The following RPH3A variants were observed in gnomAD, a reference collection of about 807,000 sequenced individuals.
The protein encoded by RPH3A is rabphilin 3A.
A neutral mutation model predicts 102.2 loss-of-function variants in RPH3A; 48 were observed. The ratio of observed to expected loss-of-function variants is 0.47; its 90% CI spans 0.37 to 0.60. The LOEUF (loss-of-function observed/expected upper bound fraction) is 0.60. Among genes scored for constraint, RPH3A ranks in the 20% least tolerant of loss-of-function variants. The probability of loss-of-function intolerance (pLI) is 0.00; values close to 1 mark genes in which losing one functional copy is unlikely to be tolerated. For synonymous variants in RPH3A, 310 were observed against 324.3 expected (o/e 0.96, Z 0.47); for missense variants, 781 against 910.1 (o/e 0.86, Z 1.83).
rs554122441 is a variant in RPH3A at position 112,592,654 on chromosome 12, TGTGGTTGGTTGAATCC to T, written c.-140+17340_-140+17355del. Among the ~76,000 whole-genome samples the T allele has an allele frequency of 2.8e-4, 43 of 152,352 alleles. No individual in the cohort carries two copies. In the South Asian group the frequency reaches 8.5e-3, roughly 30 times the overall value. ...TTTTTATTTTGGAAAATTTTCGATC[TGTGGTTGGTTGAATCC>T]GTGGATGCAGAACCTGCAGATACTG... On this transcript the variant is annotated intron_variant, in intron 1 of 21. Coordinates refer to the RPH3A transcript ENST00000543106.
At chr12:112,737,147 C>A in intron 1 of RPH3A, among the ~76,000 whole-genome samples, 1 of 131,426 alleles carries the variant, frequency 7.6e-6, no homozygotes. Context: ...AGAATGAGAC[C>A]CTGTCTCAAA....
rs543550108 is a variant in RPH3A at position 112,889,957 on chromosome 12, G to C, written c.1564-67G>C. On this transcript the variant is annotated intron_variant, in intron 17 of 21. Transcript: ENST00000389385. ...GTAATGGAAGTATGAGGGGTTTCTGGTCCTTCTTGCGCAGGAAGATGAGCT... is the reference window on the plus strand; with the variant it reads ...GTAATGGAAGTATGAGGGGTTTCTGCTCCTTCTTGCGCAGGAAGATGAGCT... 4 of 1,455,052 alleles carry C rather than the reference G, an allele frequency of 2.7e-6. No homozygotes were observed. The African/African-American group carries it at 5.6e-5, about 20-fold the overall frequency. 90.1% of individuals were successfully genotyped at this position (1,455,052 alleles called of 1,614,324 possible). A position where few individuals can be genotyped will look rare whatever the true frequency, so the allele number is the denominator to read the frequency against.
At chr12:112,589,492 T>G (rs2039461141) in intron 1 of RPH3A, among the ~76,000 whole-genome samples, 1 of 152,182 alleles carries the variant, frequency 6.6e-6, no homozygotes, top group Admixed American at 6.5e-5. Context: ...GGCTGTTCCC[T>G]CAGCCTGGAA....
intron 2 of RPH3A, among the ~76,000 whole-genome samples, chr12:112,811,626 G>T (rs1196643562): frequency 6.6e-6 from 1 of 151,842 alleles, no homozygotes; most frequent in African/African-American, 2.4e-5. Flanking sequence ...GCATGCATGT[G>T]AGGTGACTCA....
intron 1 of RPH3A, among the ~76,000 whole-genome samples, chr12:112,662,645 G>T (rs1190085168): frequency 6.6e-6 from 1 of 151,962 alleles, no homozygotes. Flanking sequence ...ATGCTATATG[G>T]TTTCTCTCTC....
intron 5 of RPH3A, among the ~76,000 whole-genome samples, chr12:112,860,027 A>G (rs1008611453): frequency 2.6e-5 from 4 of 152,174 alleles, no homozygotes; most frequent in African/African-American, 9.7e-5. Flanking sequence ...TCCCATACAC[A>G]TCTAGGGCTT....
chr12:112,802,991 A>C (rs1286088841), intron 2 of RPH3A, among the ~76,000 whole-genome samples: 1 of 152,346 alleles, frequency 6.6e-6, no homozygotes, highest in East Asian at 1.9e-4. Context: ...GGAGTCCTTG[A>C]GTGGCCAGAG....
intron 2 of RPH3A, chr12:112,813,202 T>G (rs1029084000): frequency 1.3e-5 from 2 of 152,234 alleles, no homozygotes; most frequent in Admixed American, 1.3e-4. Context: ...TGCACTCTTT[T>G]GCCTCCAGTG....
chr12:112,737,466 G>C (rs1054444569), intron 1 of RPH3A, among the ~76,000 whole-genome samples: 2 of 152,100 alleles, frequency 1.3e-5, no homozygotes, highest in Non-Finnish European at 2.9e-5. Context: ...ATTATTTTTA[G>C]ATGTATTCTT....
At position 112,875,741 on chromosome 12, in the gene RPH3A, G is replaced by T; in HGVS notation, c.946G>T (p.Glu316Ter). Reference protein sequence around the residue: ...PAGRFPDQKPEVAPSDPGTTA... With the variant: ...PAGRFPDQKP ...AGGACGCTTTCCAGATCAGAAGCCA[G>T]GCAAGTATCTGCTTCCTCCCATGCC... Residue 316 changes from glutamate to a stop codon, truncating the protein, a stop_gained and splice_region_variant, in exon 12 of 22, where the codon GAG (glutamate) becomes TAG (stop). Coordinates refer to ENST00000389385, the MANE Select transcript of RPH3A (RefSeq NM_001143854.2). LOFTEE classifies it high-confidence loss of function. The T allele has an allele frequency of 1.2e-6, 2 of 1,613,768 alleles. No homozygotes were observed. Among genetic ancestry groups the T allele is most frequent in the Non-Finnish European group, 1.7e-6 (2 of 1,179,916 alleles).
At position 112,792,137 on chromosome 12, in the gene RPH3A, T is replaced by C. The variant is rs2041131005; in HGVS notation, c.-139-6T>C. ...TAGGAGAGTCAAATGAACAATTTTC[T>C]TTCAGGCACCTCCGCTGAGCTTTTA... On this transcript the variant is annotated splice_polypyrimidine_tract_variant and splice_region_variant and intron_variant, in intron 1 of 21. Transcript: ENST00000389385. 1 of 152,176 alleles carries C rather than the reference T, an allele frequency of 6.6e-6. No homozygotes were observed. The highest frequency in any genetic ancestry group is 2.4e-5 in the African/African-American group (1 of 41,442). 9.4% of individuals were successfully genotyped at this position (152,176 alleles called of 1,614,324 possible).
At chr12:112,827,631 A>G (rs1234405620) in intron 2 of RPH3A, among the ~76,000 whole-genome samples, 2 of 152,154 alleles carry the variant, frequency 1.3e-5, no homozygotes, top group African/African-American at 4.8e-5. Context: ...TCCTAAATCT[A>G]TTTTAAAGAT....
intron 1 of RPH3A, among the ~76,000 whole-genome samples, chr12:112,757,372 G>T (rs1056291423): frequency 6.6e-6 from 1 of 152,212 alleles, no homozygotes; most frequent in Non-Finnish European, 1.5e-5. Context: ...TCCAGGGGCT[G>T]TCATAGACCT....
At chr12:112,825,937 T>C (rs1174480941) in intron 2 of RPH3A, among the ~76,000 whole-genome samples, 2 of 152,136 alleles carry the variant, frequency 1.3e-5, no homozygotes, top group Non-Finnish European at 2.9e-5. Flanking sequence ...TTCTAAAAAA[T>C]ACATATTTTA....
intron 1 of RPH3A, among the ~76,000 whole-genome samples, chr12:112,621,635 G>C: frequency 6.6e-6 from 1 of 151,446 alleles, no homozygotes; most frequent in Non-Finnish European, 1.5e-5. Context: ...TGGGGGAGGG[G>C]CGCCCGCCAT....
At chr12:112,680,826 T>A (rs2040221379) in intron 1 of RPH3A, among the ~76,000 whole-genome samples, 1 of 152,184 alleles carries the variant, frequency 6.6e-6, no homozygotes. Flanking sequence ...GCACCATCAT[T>A]TTTAATGCTG....
At chr12:112,786,040 C>T (rs1334289229) in intron 1 of RPH3A, among the ~76,000 whole-genome samples, 1 of 151,506 alleles carries the variant, frequency 6.6e-6, no homozygotes, top group Non-Finnish European at 1.5e-5. Context: ...TATGGTGGTC[C>T]CATTTTATAG....
At chr12:112,809,938 A>G (rs2041539997) in intron 2 of RPH3A, among the ~76,000 whole-genome samples, 2 of 152,010 alleles carry the variant, frequency 1.3e-5, no homozygotes, top group African/African-American at 2.4e-5. Context: ...CCTAACCACA[A>G]TGCCTCCTCC....
intron 1 of RPH3A, among the ~76,000 whole-genome samples, chr12:112,779,783 T>A (rs1208413747): frequency 6.6e-6 from 1 of 152,106 alleles, no homozygotes; most frequent in East Asian, 1.9e-4. Context: ...TATTTAGAAA[T>A]AGAGTCCTTG....
Sources: allele counts gnomAD v4.1 joint callset (sites outside exome capture counted in the v4.1 genomes callset), GRCh38; gene constraint gnomAD v4.1.1; transcripts MANE v1.5; gene names NCBI Gene and HGNC (gene_info 2026-07-23, HGNC 2026-07-21).